Variants in PRUNE2 observed in about 807,000 individuals in gnomAD.
PRUNE2 encodes the protein prune homolog 2 with BCH domain.
A neutral mutation model predicts 252.0 loss-of-function variants in PRUNE2; 164 were observed. The ratio of observed to expected loss-of-function variants is 0.65; its 90% CI spans 0.57 to 0.74. PRUNE2 has a LOEUF of 0.74. Ranked by LOEUF, PRUNE2 falls within the 30% of genes least tolerant of loss-of-function variation. PRUNE2 has a pLI of 0.00. For missense variants in PRUNE2, 3,495 were observed against 3,711.0 expected (o/e 0.94, Z 1.51); for synonymous variants, 1,292 against 1,350.2 (o/e 0.96, Z 0.94).
At chr9:76,615,989 C>T (rs1176686955) in intron 18 of PRUNE2, among the ~76,000 whole-genome samples, 1 of 151,924 alleles carries the variant, frequency 6.6e-6, no homozygotes, top group Non-Finnish European at 1.5e-5. Flanking sequence ...AGGATGATCT[C>T]GATCTCTTGA....
At chr9:76,630,967 G>T (rs1220044394) in intron 15 of PRUNE2, among the ~76,000 whole-genome samples, 1 of 152,208 alleles carries the variant, frequency 6.6e-6, no homozygotes, top group Non-Finnish European at 1.5e-5. Flanking sequence ...GTATTACCTT[G>T]TGTTCAACTA....
At chr9:76,746,952 G>A (rs886946184) in intron 6 of PRUNE2, among the ~76,000 whole-genome samples, 1 of 152,176 alleles carries the variant, frequency 6.6e-6, no homozygotes, top group Non-Finnish European at 1.5e-5. Flanking sequence ...ACGAGCCATT[G>A]TAGCAAATTA....
chr9:76,630,166 C>T (rs961294406), intron 15 of PRUNE2, among the ~76,000 whole-genome samples: 2 of 151,480 alleles, frequency 1.3e-5, no homozygotes, highest in African/African-American at 2.4e-5. Context: ...AAAAATCTTA[C>T]CATTAGTTCT....
Position 76,704,892 on chromosome 9 carries a change from C to T in PRUNE2, c.7382G>A (p.Arg2461His), listed in dbSNP as rs749929824. The T allele has an allele frequency of 3.7e-6, 6 of 1,609,598 alleles. No homozygotes were observed. Among genetic ancestry groups the T allele is most frequent in the African/African-American group, 2.7e-5 (2 of 74,862 alleles). The change falls in exon 8 of 19, where the codon CGT becomes CAT. Residue 2461 changes from arginine (R) to histidine (H), a missense_variant. Coordinates refer to ENST00000376718, the MANE Select transcript of PRUNE2 (RefSeq NM_015225.3). ...CAAATAAACGGACTCAGGGTCTTCA[C>T]GAATATGCAGCACAGCCAGCTGGGA... ...PGSQLAVLHI[R>H]EDPESVYLPV... is the part of the protein sequence containing the mutation.
Position 76,706,395 on chromosome 9 carries a change from T to C in PRUNE2, c.5879A>G (p.Gln1960Arg), listed in dbSNP as rs1388522887. Residue 1960 changes from glutamine (Q) to arginine (R), a missense_variant, in exon 8 of 19, where the codon CAG becomes CGG. Transcript: ENST00000376718. ...ATCACAGACTGGCAGCATGGTGTCCTGACACTGCTCTTGGGTAGGTGTTTC... is the reference window on the plus strand; with the variant it reads ...ATCACAGACTGGCAGCATGGTGTCCCGACACTGCTCTTGGGTAGGTGTTTC... ...TPETPTQEQCQDTMLPVCDHP... is the reference protein window; with the variant it reads ...TPETPTQEQCRDTMLPVCDHP... The C allele has an allele frequency of 6.2e-7, 1 of 1,605,238 alleles. No homozygotes were observed. The highest frequency in any genetic ancestry group is 2.2e-5 in the East Asian group (1 of 44,898).
At chr9:76,642,096 T>A (rs987022210) in intron 12 of PRUNE2, 16 of 798,658 alleles carry the variant, frequency 2.0e-5, no homozygotes, top group Middle Eastern at 3.2e-4. Flanking sequence ...GTTTCTCAGC[T>A]CCAAGTTCAA....
At chr9:76,856,815 G>C (rs1257287878) in intron 1 of PRUNE2, among the ~76,000 whole-genome samples, 1 of 151,544 alleles carries the variant, frequency 6.6e-6, no homozygotes, top group Admixed American at 6.6e-5. Context: ...GTGTAATGGC[G>C]TGATCTTGGC....
chr9:76,726,467 AACC>A (rs1391961515), intron 6 of PRUNE2, among the ~76,000 whole-genome samples: 5 of 152,218 alleles, frequency 3.3e-5, no homozygotes, highest in Non-Finnish European at 7.3e-5. Context: ...TTTTAGTTCC[AACC>A]AACCAAGCCT....
chr9:76,614,620 A>G lies in PRUNE2; in HGVS notation c.9237-20T>C. 6.2e-7 allele frequency: 1 copy of G among 1,603,820 alleles called. No individual in the cohort carries two copies. The highest frequency in any genetic ancestry group is 8.5e-7 in the Non-Finnish European group (1 of 1,172,546). On this transcript the variant is annotated intron_variant, in intron 18 of 18. Coordinates refer to ENST00000376718, the MANE Select transcript of PRUNE2 (RefSeq NM_015225.3). The stretch of plus-strand genomic sequence containing the variant: ...TCAATACTGCAAAGAAAAGAAAAAG[A>G]GAGAGAAACATGAGAAACCAAATGA...
At position 76,797,124 on chromosome 9, in the gene PRUNE2, T is replaced by C. The variant is rs1314584960; in HGVS notation, c.756+26508A>G. On this transcript the variant is annotated intron_variant, in intron 6 of 18. Transcript: ENST00000376718. ...GGTTTACTTTACATTTTGATCACTG[T>C]GTACTGTTAAAATTTTCTAACTTTA... is the stretch of plus-strand genomic sequence containing the variant. Among the ~76,000 whole-genome samples the C allele has an allele frequency of 2.0e-5, 3 of 152,288 alleles. No homozygotes were observed. In the East Asian group the frequency reaches 5.8e-4, roughly 29 times the overall value.
rs577884852 is a variant in PRUNE2, at chr9:76,713,580, T to C, written c.898A>G (p.Met300Val). 2 of 1,610,912 alleles carry C rather than the reference T, an allele frequency of 1.2e-6. No homozygotes were observed. Among genetic ancestry groups the C allele is most frequent in the Non-Finnish European group, 1.7e-6 (2 of 1,178,582 alleles). Residue 300 changes from methionine (M) to valine (V), a missense_variant, in exon 7 of 19, where the codon ATG (methionine) becomes GTG (valine). Met to Val is a conservative substitution (Grantham distance 21). Coordinates refer to ENST00000376718, the MANE Select transcript of PRUNE2 (RefSeq NM_015225.3). ...RRQIAVYSEN[M>V]ELCSQICCEL... is the part of the protein sequence containing the mutation. Reference sequence around the variant, plus strand: ...GGGCTCACCTGACTGCACAGCTCCATGTTTTCTGAGTACACAGCAATCTGT... The same window carrying C: ...GGGCTCACCTGACTGCACAGCTCCACGTTTTCTGAGTACACAGCAATCTGT...
At chr9:76,644,634 G>A in intron 12 of PRUNE2, 105 bp downstream of exon 12, 1 of 1,010,454 alleles carries the variant, frequency 9.9e-7, no homozygotes, top group Non-Finnish European at 1.6e-6. Context: ...TCTAGAATAG[G>A]GTCTTTGAGA....
intron 11 of PRUNE2, among the ~76,000 whole-genome samples, chr9:76,651,626 AT>A (rs1847433768): frequency 6.6e-6 from 1 of 152,232 alleles, no homozygotes; most frequent in Non-Finnish European, 1.5e-5. Context: ...AAATGATTGT[AT>A]TTGTACATAT....
intron 9 of PRUNE2, among the ~76,000 whole-genome samples, chr9:76,659,842 TA>T (rs1301589725): frequency 2.6e-5 from 4 of 151,290 alleles, no homozygotes; most frequent in Admixed American, 6.6e-5. Context: ...GTGAGTGATT[TA>T]AGTTACATAA....
At chr9:76,630,175 C>T (rs1216400088) in intron 15 of PRUNE2, among the ~76,000 whole-genome samples, 4 of 150,080 alleles carry the variant, frequency 2.7e-5, no homozygotes, top group Admixed American at 2.7e-4. Flanking sequence ...ACCATTAGTT[C>T]TTTCAGAATC....
intron 1 of PRUNE2, among the ~76,000 whole-genome samples, chr9:76,894,112 A>G (rs1360494291): frequency 1.3e-5 from 2 of 152,214 alleles, no homozygotes; most frequent in African/African-American, 2.4e-5. Context: ...AGTTCTCTCA[A>G]TGATCTTGGT....
chr9:76,855,761 T>C (rs1056617771), intron 1 of PRUNE2, among the ~76,000 whole-genome samples: 9 of 152,190 alleles, frequency 5.9e-5, no homozygotes, highest in Non-Finnish European at 1.3e-4. Flanking sequence ...TGATATAAAC[T>C]CTCTGAAGAT....
At chr9:76,830,125 T>C (rs2058584290) in intron 4 of PRUNE2, among the ~76,000 whole-genome samples, 1 of 152,052 alleles carries the variant, frequency 6.6e-6, no homozygotes, top group Non-Finnish European at 1.5e-5. Flanking sequence ...GGGGAAAAGA[T>C]TAGTGAATTA....
rs1828283216 is a variant in PRUNE2 at position 76,614,046 on chromosome 9, G to A, written c.*524C>T. 6.6e-6 allele frequency: 1 copy of A among 152,364 alleles called. No individual in the cohort carries two copies. The highest frequency in any genetic ancestry group is 2.4e-5 in the African/African-American group (1 of 41,442). The allele number at this position is 152,364 out of a possible 1,614,324, so 9.4% of individuals were successfully genotyped here. ...GATTCTGGTAAACAAGAACAAAACG[G>A]GCACTTAGCTGATGATGGTTTTACA... is the stretch of plus-strand genomic sequence containing the variant. On this transcript the variant is annotated 3_prime_UTR_variant, in exon 19 of 19. Coordinates refer to ENST00000376718, the MANE Select transcript of PRUNE2 (RefSeq NM_015225.3).
Sources: allele counts gnomAD v4.1 joint callset (sites outside exome capture counted in the v4.1 genomes callset), GRCh38; gene constraint gnomAD v4.1.1; transcripts MANE v1.5; gene names NCBI Gene and HGNC (gene_info 2026-07-23, HGNC 2026-07-21).